Variants in DCDC1 observed in about 807,000 individuals in gnomAD.
DCDC1 encodes doublecortin domain-containing protein 1.
In DCDC1, 200 loss-of-function variants were observed where a neutral mutation model predicts 178.3. The ratio of observed to expected loss-of-function variants is 1.12; its 90% CI spans 1.00 to 1.26. The LOEUF is 1.26. DCDC1 is among the 50% of genes most tolerant of loss of function. The pLI is 0.00. For synonymous variants in DCDC1, 690 were observed against 604.8 expected (o/e 1.14, Z -2.07); for missense variants, 1,983 against 1,749.2 (o/e 1.13, Z -2.38).
At chr11:31,149,498 G>C (rs1964902987) in intron 9 of DCDC1, among the ~76,000 whole-genome samples, 1 of 151,140 alleles carries the variant, frequency 6.6e-6, no homozygotes, top group South Asian at 2.1e-4. Flanking sequence ...ACCCCAGCCA[G>C]CAGCAGCAAC....
At position 30,900,378 on chromosome 11, in the gene DCDC1, AC is replaced by A; in HGVS notation, c.4630del (p.Val1544CysfsTer19). ...LILRNPIAIW[V>X]SCGEPFLPPN... The stretch of plus-strand genomic sequence containing the variant: ...AGGTAGAAATGGTTCACCACAAGAC[AC>A]CCAGATGGCAATAGGATTTCTGAGG... On this transcript the variant is annotated frameshift_variant, in exon 33 of 39. Coordinates refer to ENST00000684477, the MANE Select transcript of DCDC1 (RefSeq NM_001387274.1). LOFTEE classifies it high-confidence loss of function. 2 of 1,570,858 alleles carry A rather than the reference AC, an allele frequency of 1.3e-6. No individual in the cohort carries two copies. Among genetic ancestry groups the A allele is most frequent in the Admixed American group, 1.8e-5 (1 of 54,800 alleles).
intron 9 of DCDC1, among the ~76,000 whole-genome samples, chr11:31,182,912 C>G (rs1414054400): frequency 6.8e-6 from 1 of 146,586 alleles, no homozygotes; most frequent in East Asian, 2.0e-4. Context: ...GAATACTTAC[C>G]AAGCAAATGG....
At chr11:30,967,513 A>G (rs892962591) in intron 20 of DCDC1, among the ~76,000 whole-genome samples, 2 of 152,190 alleles carry the variant, frequency 1.3e-5, no homozygotes, top group Non-Finnish European at 2.9e-5. Flanking sequence ...TACACCAACA[A>G]CAGACAAACA....
At chr11:31,118,342 T>A (rs1199547156) in intron 11 of DCDC1, among the ~76,000 whole-genome samples, 1 of 152,104 alleles carries the variant, frequency 6.6e-6, no homozygotes, top group East Asian at 1.9e-4. Context: ...TAATAAAACA[T>A]TTATATTTTA....
chr11:31,097,890 T>C (rs777552678), intron 15 of DCDC1, among the ~76,000 whole-genome samples: 1 of 152,220 alleles, frequency 6.6e-6, no homozygotes, highest in Admixed American at 6.5e-5. Context: ...AAAAGAATAA[T>C]GCCAGAATAA....
intron 1 of DCDC1, among the ~76,000 whole-genome samples, chr11:31,341,420 T>TAGAC (rs1950538089): frequency 6.7e-6 from 1 of 149,588 alleles, no homozygotes; most frequent in Non-Finnish European, 1.5e-5. Flanking sequence ...GATAGATAGA[T>TAGAC]AGATAGATAG....
intron 7 of DCDC1, among the ~76,000 whole-genome samples, chr11:31,283,579 T>C (rs905864858): frequency 3.6e-4 from 55 of 152,226 alleles, no homozygotes; most frequent in Middle Eastern, 6.8e-3. Context: ...TTCTTCTGGA[T>C]ATAAATTATC....
chr11:31,227,834 T>C lies in DCDC1; in HGVS notation c.1221+13616A>G, dbSNP rs571879198. Among the ~76,000 whole-genome samples, 4 of 151,982 alleles carry C rather than the reference T, an allele frequency of 2.6e-5. No individual in the cohort carries two copies. The East Asian group carries it at 5.8e-4, about 22-fold the overall frequency. Reference sequence around the variant, plus strand: ...GGACATTATTTTATAATAACATTTGTGAAAAGAAAATTGGAGTAGCTTTAT... The same window carrying C: ...GGACATTATTTTATAATAACATTTGCGAAAAGAAAATTGGAGTAGCTTTAT... On this transcript the variant is annotated intron_variant, in intron 9 of 38. Transcript: ENST00000684477.
intron 9 of DCDC1, among the ~76,000 whole-genome samples, chr11:31,195,239 A>G (rs371232425): frequency 2.6e-5 from 4 of 152,188 alleles, no homozygotes; most frequent in African/African-American, 9.6e-5. Flanking sequence ...GTGGATTGGA[A>G]GTTATGGAGG....
intron 9 of DCDC1, among the ~76,000 whole-genome samples, chr11:31,209,124 T>C (rs2136505367): frequency 6.6e-6 from 1 of 152,290 alleles, no homozygotes; most frequent in East Asian, 1.9e-4. Flanking sequence ...TAACGGATAC[T>C]TGGAAATTCA....
intron 7 of DCDC1, among the ~76,000 whole-genome samples, chr11:31,273,602 T>A (rs1945746396): frequency 6.6e-6 from 1 of 152,196 alleles, no homozygotes; most frequent in African/African-American, 2.4e-5. Flanking sequence ...AGCTCCAAAC[T>A]TTCCAATTTT....
intron 9 of DCDC1, among the ~76,000 whole-genome samples, chr11:31,175,882 A>G (rs1363343708): frequency 6.6e-6 from 1 of 152,206 alleles, no homozygotes; most frequent in African/African-American, 2.4e-5. Context: ...TACCCAACAG[A>G]CACCTATCTA....
intron 36 of DCDC1, among the ~76,000 whole-genome samples, chr11:30,889,173 C>G (rs1943562586): frequency 6.6e-6 from 1 of 152,180 alleles, no homozygotes; most frequent in South Asian, 2.1e-4. Context: ...CACAGGCAAT[C>G]ATAAATCAGA....
chr11:31,027,645 A>G (rs1022451934), intron 20 of DCDC1, among the ~76,000 whole-genome samples: 1 of 151,816 alleles, frequency 6.6e-6, no homozygotes, highest in Non-Finnish European at 1.5e-5. Context: ...TACAATCAGG[A>G]TATTTGATTA....
chr11:31,102,093 A>T, intron 15 of DCDC1, 84 bp downstream of exon 15: 1 of 511,694 alleles, frequency 2.0e-6, no homozygotes, highest in Non-Finnish European at 3.6e-6. Context: ...AAAAAAAAAA[A>T]ACTGTCACAA....
At chr11:31,206,497 T>A (rs1469396361) in intron 9 of DCDC1, among the ~76,000 whole-genome samples, 2 of 152,162 alleles carry the variant, frequency 1.3e-5, no homozygotes, top group African/African-American at 4.8e-5. Context: ...CACTGCAACC[T>A]CCGCCTCCCA....
chr11:31,314,857 A>G (rs1245312595), intron 3 of DCDC1, among the ~76,000 whole-genome samples: 4 of 152,200 alleles, frequency 2.6e-5, no homozygotes, highest in Admixed American at 2.0e-4. Context: ...CATTATATTT[A>G]CAGGTCCTAA....
At chr11:31,338,023 C>T (rs1230046635) in intron 1 of DCDC1, among the ~76,000 whole-genome samples, 2 of 152,166 alleles carry the variant, frequency 1.3e-5, no homozygotes, top group African/African-American at 4.8e-5. Context: ...CTGTTCAGCA[C>T]TCCAGAACAG....
intron 27 of DCDC1, among the ~76,000 whole-genome samples, chr11:30,913,428 C>T (rs955022055): frequency 1.4e-4 from 21 of 151,880 alleles, no homozygotes; most frequent in African/African-American, 5.1e-4. Flanking sequence ...ACAAAAAAAA[C>T]TATTTTGTTC....
Sources: gnomAD v4.1 joint callset for allele counts (sites outside exome capture counted in the v4.1 genomes callset) on GRCh38, gnomAD v4.1.1 for gene constraint, MANE v1.5 for transcripts, NCBI Gene and HGNC (gene_info 2026-07-23, HGNC 2026-07-21) for gene names.